The following ZNF330 variants were observed in gnomAD, a reference collection of about 807,000 sequenced individuals.
ZNF330 encodes the protein zinc finger protein 330.
A neutral mutation model predicts 45.5 loss-of-function variants in ZNF330; 31 were observed. That is an observed-to-expected ratio of 0.68 (90% CI 0.51 to 0.92). The LOEUF is 0.92. Ranked by LOEUF, ZNF330 falls within the 40% of genes least tolerant of loss-of-function variation. ZNF330 has a pLI of 0.00. For synonymous variants in ZNF330, 138 were observed against 123.2 expected, an observed-to-expected ratio of 1.12 and a Z score of -0.79; for missense variants, 356 against 387.4, an observed-to-expected ratio of 0.92 and a Z score of 0.68.
In ZNF330 at chr4:141,231,577, TATAAGGGACCTTAAA is replaced by T. The variant is rs545258460; in HGVS notation, c.570+95_570+109del. The T allele has an allele frequency of 2.5e-3, 2,183 of 865,588 alleles. 3 individuals are homozygous for T. The highest frequency in any genetic ancestry group is 3.6e-3 in the Non-Finnish European group (2,068 of 570,264). The allele number at this position is 865,588 out of a possible 1,614,324, so 53.6% of individuals were successfully genotyped here. A position where few individuals can be genotyped will look rare whatever the true frequency, so the allele number is the denominator to read the frequency against. ...GGCTTATATGCAGCTATAATTAATT[TATAAGGGACCTTAAA>T]ATTATGTAGTCTAATTCTTTTATTT... is the stretch of plus-strand genomic sequence containing the variant. On this transcript the variant is annotated intron_variant, in intron 8 of 9. Coordinates refer to ENST00000262990, the MANE Select transcript of ZNF330 (RefSeq NM_014487.6).
rs572365170 is a variant in ZNF330 at position 141,229,494 on chromosome 4, T to G, written c.292-77T>G. The stretch of plus-strand genomic sequence containing the variant: ...ATAAATTGCTAAATGTATACAGTTT[T>G]GATGGTTGCCGTGGTTAAAGAATGG... On this transcript the variant is annotated intron_variant, in intron 5 of 9. Transcript: ENST00000262990. The G allele has an allele frequency of 5.4e-5, 85 of 1,581,826 alleles. No individual in the cohort carries two copies. The African/African-American group carries it at 1.1e-3, about 20-fold the overall frequency.
chr4:141,230,626 G>A (rs569895662), intron 7 of ZNF330, among the ~76,000 whole-genome samples: 21 of 152,016 alleles, frequency 1.4e-4, no homozygotes, highest in South Asian at 2.1e-4. Flanking sequence ...ATGCCCTCCC[G>A]TAAGAGATAC....
chr4:141,229,638 G>T lies in ZNF330; in HGVS notation c.359G>T (p.Cys120Phe), dbSNP rs1309538612. The change falls in exon 6 of 10, where the codon TGT becomes TTT. Residue 120 changes from cysteine (C) to phenylalanine (F), a missense_variant. Physicochemically the swap from Cys to Phe is radical, Grantham distance 205. Coordinates refer to ENST00000262990, the MANE Select transcript of ZNF330 (RefSeq NM_014487.6). The part of the protein sequence containing the change: ...HGRKCLSTHA[C>F]ACPLTDAECV... ...AGGAAATGTCTCAGTACACATGCTT[G>T]TGCCTGCCCTCTTACCGATGCTGAG... 1.9e-6 allele frequency: 3 copies of T among 1,613,138 alleles called. No individual in the cohort carries two copies. Among genetic ancestry groups the T allele is most frequent in the Admixed American group, 3.3e-5 (2 of 59,940 alleles).
At chr4:141,233,473 C>G (rs944272743) in intron 9 of ZNF330, among the ~76,000 whole-genome samples, 1 of 151,996 alleles carries the variant, frequency 6.6e-6, no homozygotes, top group African/African-American at 2.4e-5. Flanking sequence ...TTTAAACATG[C>G]CTTAATACCT....
At chr4:141,230,330 A>G in intron 7 of ZNF330, 60 bp downstream of exon 7, 1 of 1,011,028 alleles carries the variant, frequency 9.9e-7, no homozygotes. Flanking sequence ...ATAATTATTA[A>G]TCTTAATGAA....
intron 4 of ZNF330, among the ~76,000 whole-genome samples, chr4:141,226,178 A>G (rs1728798405): frequency 6.6e-6 from 1 of 152,034 alleles, no homozygotes; most frequent in Admixed American, 6.6e-5. Context: ...TAGCTGTATC[A>G]CCGTATTGTT....
chr4:141,232,205 A>G (rs1311137741), intron 8 of ZNF330, among the ~76,000 whole-genome samples: 1 of 152,110 alleles, frequency 6.6e-6, no homozygotes, highest in African/African-American at 2.4e-5. Context: ...TAGTTAGACC[A>G]TACACTGTGT....
At chr4:141,231,303 T>C (rs1728948772) in intron 7 of ZNF330, 136 bp from the exon 8 acceptor site, 1 of 549,910 alleles carries the variant, frequency 1.8e-6, no homozygotes, top group Non-Finnish European at 3.1e-6. Flanking sequence ...GTGTGTTTTA[T>C]AGCATTTGAA....
At chr4:141,225,936 C>T (rs73849866) in intron 4 of ZNF330, among the ~76,000 whole-genome samples, 4,923 of 152,090 alleles carry the variant, frequency 0.032, 277 homozygotes, top group African/African-American at 0.11. Flanking sequence ...TGGGTAGCTG[C>T]TGCCTCTCAT....
intron 6 of ZNF330, 47 bp from the exon 7 acceptor site, chr4:141,230,119 A>T (rs1456005248): frequency 2.9e-6 from 4 of 1,374,286 alleles, no homozygotes; most frequent in Non-Finnish European, 1.0e-6. Flanking sequence ...GAGTTTTTTT[A>T]AATTAAAGTT....
chr4:141,224,457 A>C (rs746466543), intron 2 of ZNF330, 30 bp from the exon 3 acceptor site: 1 of 1,595,194 alleles, frequency 6.3e-7, no homozygotes, highest in South Asian at 1.1e-5. Context: ...GTCAGCAGAA[A>C]AATTAATGTG....
chr4:141,231,436 C>G lies in ZNF330; in HGVS notation c.524-3C>G. 1 of 1,595,898 alleles carries G rather than the reference C, an allele frequency of 6.3e-7. No individual in the cohort carries two copies. Among genetic ancestry groups the G allele is most frequent in the African/African-American group, 1.4e-5 (1 of 73,482 alleles). ...GATTTTAAAATTAATCTATTTCCCA[C>G]AGGTGTTTCATGCAATCGGCTTGGT... On this transcript the variant is annotated splice_polypyrimidine_tract_variant and splice_region_variant and intron_variant, in intron 7 of 9. Transcript: ENST00000262990.
intron 2 of ZNF330, chr4:141,223,834 C>T (rs1728741164): frequency 2.2e-6 from 1 of 454,402 alleles, no homozygotes; most frequent in Non-Finnish European, 4.4e-6. Flanking sequence ...GTGGGATTTT[C>T]ACCAGAACTT....
Position 141,234,052 on chromosome 4 carries a change from G to C in ZNF330, c.*63G>C. On this transcript the variant is annotated 3_prime_UTR_variant, in exon 10 of 10. Coordinates refer to ENST00000262990, the MANE Select transcript of ZNF330 (RefSeq NM_014487.6). Reference sequence around the variant, plus strand: ...AGTGAGTGTGTGTGCTTGATGAATTGTGTGTGGTTGTTCAAAAGTACCTTA... The same window carrying C: ...AGTGAGTGTGTGTGCTTGATGAATTCTGTGTGGTTGTTCAAAAGTACCTTA... 6.5e-7 allele frequency: 1 copy of C among 1,535,310 alleles called. No homozygotes were observed. The highest frequency in any genetic ancestry group is 8.7e-7 in the Non-Finnish European group (1 of 1,145,836).
At chr4:141,229,293 A>G (rs1186452561) in intron 5 of ZNF330, among the ~76,000 whole-genome samples, 1 of 152,164 alleles carries the variant, frequency 6.6e-6, no homozygotes, top group Non-Finnish European at 1.5e-5. Context: ...CTTTGGCTTA[A>G]TTAAATAATA....
At chr4:141,224,738 C>A (rs1250086135) in intron 4 of ZNF330, 61 bp downstream of exon 4, 5 of 1,443,454 alleles carry the variant, frequency 3.5e-6, no homozygotes, top group Non-Finnish European at 4.9e-6. Flanking sequence ...ACAATTTGAA[C>A]TTGGGTGGGT....
chr4:141,224,752 T>A, intron 4 of ZNF330, 75 bp downstream of exon 4: 1 of 1,222,510 alleles, frequency 8.2e-7, no homozygotes, highest in Non-Finnish European at 1.2e-6. Flanking sequence ...GGTGGGTTTG[T>A]TGCTATTGGT....
At chr4:141,231,181 T>G (rs1728944670) in intron 7 of ZNF330, among the ~76,000 whole-genome samples, 1 of 152,138 alleles carries the variant, frequency 6.6e-6, no homozygotes, top group Admixed American at 6.6e-5. Flanking sequence ...ATATATAAAA[T>G]TCTCAGATTA....
At chr4:141,232,051 C>G (rs1728973638) in intron 8 of ZNF330, among the ~76,000 whole-genome samples, 2 of 152,010 alleles carry the variant, frequency 1.3e-5, no homozygotes, top group Non-Finnish European at 2.9e-5. Context: ...TACCCTATTG[C>G]CCTCCCATTC....
Sources: gnomAD v4.1 joint callset for allele counts (sites outside exome capture counted in the v4.1 genomes callset) on GRCh38, gnomAD v4.1.1 for gene constraint, MANE v1.5 for transcripts, NCBI Gene and HGNC (gene_info 2026-07-23, HGNC 2026-07-21) for gene names.